Variants in SLC8A1 observed in about 807,000 individuals in gnomAD.
SLC8A1 encodes the protein solute carrier family 8 member A1.
In SLC8A1, 18 loss-of-function variants were observed where a neutral mutation model predicts 68.3. The ratio of observed to expected loss-of-function variants is 0.26; its 90% CI spans 0.18 to 0.39. The LOEUF is 0.39. SLC8A1 is among the 10% of genes least tolerant of loss of function. The pLI, the probability that SLC8A1 is intolerant of heterozygous loss-of-function variation, is 1.00. For synonymous variants in SLC8A1, 475 were observed against 415.5 expected, an observed-to-expected ratio of 1.14 and a Z score of -1.74; for missense variants, 985 against 1,156.7, an observed-to-expected ratio of 0.85 and a Z score of 2.15.
chr2:40,427,061 A>G (rs375268154), intron 2 of SLC8A1, among the ~76,000 whole-genome samples: 1 of 152,218 alleles, frequency 6.6e-6, no homozygotes, highest in African/African-American at 2.4e-5. Flanking sequence ...CACTAACAAC[A>G]TTAGAATTAA....
At chr2:40,127,724 A>C (rs1425075555) in intron 7 of SLC8A1, among the ~76,000 whole-genome samples, 3 of 152,218 alleles carry the variant, frequency 2.0e-5, no homozygotes, top group African/African-American at 4.8e-5. Context: ...ATGGAGGACT[A>C]TGCCAAAAAG....
intron 2 of SLC8A1, among the ~76,000 whole-genome samples, chr2:40,332,255 A>G (rs1237248427): frequency 6.6e-6 from 1 of 152,206 alleles, no homozygotes; most frequent in Non-Finnish European, 1.5e-5. Context: ...CACCACATGC[A>G]ATTGGCTGTT....
exon 8 of SLC8A1, chr2:40,098,937 G>A (rs1029388846): frequency 2.0e-5 from 3 of 151,844 alleles, no homozygotes; most frequent in East Asian, 1.9e-4. Flanking sequence ...TTAACGTTTC[G>A]TTTAGGCCAT....
intron 2 of SLC8A1, among the ~76,000 whole-genome samples, chr2:40,319,622 T>G (rs1043579351): frequency 6.6e-6 from 1 of 152,112 alleles, no homozygotes; most frequent in African/African-American, 2.4e-5. Flanking sequence ...ATATTATATA[T>G]GAGCAGTTCC....
chr2:40,402,692 C>T (rs865911614), intron 2 of SLC8A1, among the ~76,000 whole-genome samples: 13 of 152,282 alleles, frequency 8.5e-5, no homozygotes, highest in Middle Eastern at 3.4e-3. Context: ...ATCATCTTTT[C>T]CAGTGCAAAA....
intron 2 of SLC8A1, among the ~76,000 whole-genome samples, chr2:40,346,478 G>C (rs886142753): frequency 6.6e-6 from 1 of 152,148 alleles, no homozygotes; most frequent in African/African-American, 2.4e-5. Context: ...GACCAGCACT[G>C]CTTTATGGCT....
chr2:40,114,136 C>G (rs1426845701), exon 8 of SLC8A1: 3 of 152,754 alleles, frequency 2.0e-5, no homozygotes, highest in Admixed American at 6.5e-5. Context: ...TACAGATACT[C>G]TTTGTTTTGT....
chr2:40,433,516 T>A (rs1276914889), intron 1 of SLC8A1, among the ~76,000 whole-genome samples: 1 of 152,170 alleles, frequency 6.6e-6, no homozygotes, highest in Non-Finnish European at 1.5e-5. Context: ...TTAGCCAGCA[T>A]TGCTGTTATA....
intron 2 of SLC8A1, among the ~76,000 whole-genome samples, chr2:40,321,987 T>C (rs1218906708): frequency 6.6e-6 from 1 of 152,196 alleles, no homozygotes; most frequent in Non-Finnish European, 1.5e-5. Context: ...TAGGGTATGC[T>C]GGTGAATCTC....
intron 1 of SLC8A1, among the ~76,000 whole-genome samples, chr2:40,465,229 G>C (rs1032759427): frequency 2.0e-5 from 3 of 152,164 alleles, no homozygotes; most frequent in Non-Finnish European, 4.4e-5. Context: ...GTATGGGACA[G>C]TCTCCTACCA....
chr2:40,304,817 C>T (rs114590271), intron 2 of SLC8A1, among the ~76,000 whole-genome samples: 1,781 of 152,256 alleles, frequency 0.012, 33 homozygotes, highest in African/African-American at 0.04. Flanking sequence ...CAGCGATGCT[C>T]ACCTAGACCT....
chr2:40,459,644 T>G (rs562755974), intron 1 of SLC8A1, among the ~76,000 whole-genome samples: 1 of 152,334 alleles, frequency 6.6e-6, no homozygotes, highest in East Asian at 1.9e-4. Flanking sequence ...GTTTATATTA[T>G]AGCATCTTAT....
chr2:40,400,059 G>C (rs1342922364), intron 2 of SLC8A1, among the ~76,000 whole-genome samples: 1 of 152,122 alleles, frequency 6.6e-6, no homozygotes, highest in Non-Finnish European at 1.5e-5. Context: ...GCAGCCCCCA[G>C]TCACGTACCC....
chr2:40,504,429 A>C (rs1706239065), intron 1 of SLC8A1, among the ~76,000 whole-genome samples: 1 of 152,114 alleles, frequency 6.6e-6, no homozygotes, highest in South Asian at 2.1e-4. Context: ...CCCCACAAGC[A>C]CAGGCAACCA....
At chr2:40,445,697 G>C (rs1701310731) in intron 1 of SLC8A1, among the ~76,000 whole-genome samples, 1 of 152,196 alleles carries the variant, frequency 6.6e-6, no homozygotes, top group South Asian at 2.1e-4. Context: ...CTGACAGCTA[G>C]CTGCATGTCC....
intron 6 of SLC8A1, among the ~76,000 whole-genome samples, chr2:40,150,157 C>T (rs1310645232): frequency 6.6e-6 from 1 of 151,292 alleles, no homozygotes; most frequent in Admixed American, 6.6e-5. Flanking sequence ...TAAGACACAA[C>T]ACCCAGCCAG....
chr2:40,482,837 T>C (rs1160288928), intron 1 of SLC8A1, among the ~76,000 whole-genome samples: 15 of 149,346 alleles, frequency 1.0e-4, no homozygotes, highest in Admixed American at 4.0e-4. Flanking sequence ...GTAGCCCAGG[T>C]TGGAGTGCAG....
At chr2:40,131,177 A>G (rs1251996208) in intron 7 of SLC8A1, among the ~76,000 whole-genome samples, 1 of 152,172 alleles carries the variant, frequency 6.6e-6, no homozygotes, top group Non-Finnish European at 1.5e-5. Flanking sequence ...GGAGTTAAGC[A>G]ATTTGCCTCT....
chr2:40,469,350 C>A (rs753509891), intron 1 of SLC8A1, among the ~76,000 whole-genome samples: 1 of 152,074 alleles, frequency 6.6e-6, no homozygotes, highest in Non-Finnish European at 1.5e-5. Flanking sequence ...AAGTGTGTGG[C>A]ACTTCCCTCC....
Sources: gnomAD v4.1 joint callset for allele counts (sites outside exome capture counted in the v4.1 genomes callset) on GRCh38, gnomAD v4.1.1 for gene constraint, MANE v1.5 for transcripts, NCBI Gene and HGNC (gene_info 2026-07-23, HGNC 2026-07-21) for gene names.